Variants in TECTA observed in about 807,000 individuals in gnomAD.
TECTA encodes tectorin alpha, also known as alpha-tectorin.
Under a neutral mutation model 216.8 loss-of-function variants are expected in TECTA, and 128 were observed. The ratio of observed to expected loss-of-function variants is 0.59; its 90% CI spans 0.51 to 0.68. TECTA has a LOEUF of 0.68. Ranked by LOEUF, TECTA falls within the 30% of genes least tolerant of loss-of-function variation. TECTA has a pLI of 0.00. For synonymous variants in TECTA, 1,089 were observed against 1,117.1 expected (o/e 0.97, Z 0.50); for missense variants, 2,551 against 2,786.2 (o/e 0.92, Z 1.90).
At chr11:121,143,374 T>G (rs589790) in intron 11 of TECTA, among the ~76,000 whole-genome samples, 41,327 of 152,114 alleles carry the variant, frequency 0.27, 7,096 homozygotes, top group African/African-American at 0.48. Context: ...CCCTTTACTT[T>G]GAATTCCCTT....
chr11:121,189,862 G>T lies in TECTA; in HGVS notation c.6349G>T (p.Asp2117Tyr). 1 of 1,613,208 alleles carries T rather than the reference G, an allele frequency of 6.2e-7. No individual in the cohort carries two copies. Among genetic ancestry groups the T allele is most frequent in the South Asian group, 1.1e-5 (1 of 91,036 alleles). ...CSCVTGTLQE[D>Y]GKSCRASNSS... is the part of the protein sequence containing the mutation. ...CTGTGTAACAGGAACCCTGCAGGAG[G>T]ACGGCAAGAGCTGCAGAGGTAGACA... The change falls in exon 23 of 24, where the codon GAC becomes TAC. Residue 2117 changes from aspartate to tyrosine, a missense_variant. Coordinates refer to ENST00000392793, the MANE Select transcript of TECTA (RefSeq NM_005422.4).
At chr11:121,124,988 G>T (rs1020599100) in intron 7 of TECTA, among the ~76,000 whole-genome samples, 5 of 152,360 alleles carry the variant, frequency 3.3e-5, no homozygotes, top group African/African-American at 1.2e-4. Context: ...TTGAAGAAAA[G>T]ATATGAAGCT....
chr11:121,182,075 C>CA (rs1402622137), intron 20 of TECTA, among the ~76,000 whole-genome samples: 2 of 152,272 alleles, frequency 1.3e-5, no homozygotes, highest in East Asian at 3.9e-4. Flanking sequence ...TTGCTGGGGA[C>CA]AGGGATGCCA....
intron 7 of TECTA, among the ~76,000 whole-genome samples, chr11:121,119,012 C>A (rs651963): frequency 1.1e-5 from 1 of 87,604 alleles, no homozygotes; most frequent in Non-Finnish European, 3.1e-5. Flanking sequence ...CACACACACA[C>A]ACACACACAC....
At position 121,188,128 on chromosome 11, in the gene TECTA, T is replaced by C. The variant is rs114499093; in HGVS notation, c.6162+134T>C. On this transcript the variant is annotated intron_variant, in intron 21 of 23. Coordinates refer to ENST00000392793, the MANE Select transcript of TECTA (RefSeq NM_005422.4). The stretch of plus-strand genomic sequence containing the variant: ...GCTTGGGGTGGACAGTCATCTTTGA[T>C]GGGACAGTGAGAGAAAACGCAGGGA... The C allele has an allele frequency of 6.3e-4, 569 of 899,854 alleles. 3 individuals are homozygous for C. In the African/African-American group the frequency reaches 8.8e-3, roughly 14 times the overall value. 55.7% of individuals were successfully genotyped at this position (899,854 alleles called of 1,614,324 possible). A position where few individuals can be genotyped will look rare whatever the true frequency, so the allele number is the denominator to read the frequency against.
intron 7 of TECTA, among the ~76,000 whole-genome samples, chr11:121,124,188 C>T (rs142655434): frequency 8.5e-5 from 13 of 152,348 alleles, no homozygotes; most frequent in African/African-American, 3.1e-4. Context: ...AATGTAAGTT[C>T]CACGAGGCAG....
intron 2 of TECTA, among the ~76,000 whole-genome samples, chr11:121,103,985 G>T (rs1008570832): frequency 3.3e-5 from 5 of 152,084 alleles, no homozygotes; most frequent in African/African-American, 1.2e-4. Context: ...CATTCTCCCT[G>T]GCCATGGTTT....
chr11:121,116,292 C>T (rs1946500981), intron 6 of TECTA, among the ~76,000 whole-genome samples: 1 of 152,188 alleles, frequency 6.6e-6, no homozygotes, highest in Admixed American at 6.5e-5. Context: ...TACATTATCT[C>T]CCTCCCCTGT....
chr11:121,167,991 T>C, intron 18 of TECTA, 63 bp from the exon 19 acceptor site: 1 of 1,590,532 alleles, frequency 6.3e-7, no homozygotes, highest in Non-Finnish European at 8.6e-7. Context: ...GATATGGATT[T>C]GATATGCAAG....
chr11:121,130,066 C>G lies in TECTA; in HGVS notation c.2796C>G (p.Val932=). 6.2e-7 allele frequency: 1 copy of G among 1,614,136 alleles called. No homozygotes were observed. The highest frequency in any genetic ancestry group is 2.2e-5 in the East Asian group (1 of 44,884). ...TGGAGTGCCATGGGGTGGTGAACGTCACTGCCTATTACCGCACCTGCCTTT... is the reference window on the plus strand; with the variant it reads ...TGGAGTGCCATGGGGTGGTGAACGTGACTGCCTATTACCGCACCTGCCTTT... ...SFLECHGVVN[V]TAYYRTCLFR... is the part of the protein sequence containing the mutation. The change falls in exon 10 of 24, where the codon GTC becomes GTG. Residue 932 remains valine (V), a synonymous_variant. Transcript: ENST00000392793.
intron 3 of TECTA, among the ~76,000 whole-genome samples, chr11:121,108,265 G>A (rs955200148): frequency 2.0e-5 from 3 of 151,268 alleles, no homozygotes; most frequent in African/African-American, 4.9e-5. Context: ...GCACATACAC[G>A]CATGCCACCC....
At chr11:121,168,986 T>C (rs573829936) in intron 20 of TECTA, 61 bp downstream of exon 20, 3 of 1,612,338 alleles carry the variant, frequency 1.9e-6, no homozygotes, top group East Asian at 2.2e-5. Context: ...GTCCTCATCA[T>C]TTTTTAAGGA....
Position 121,153,052 on chromosome 11 carries a change from G to A in TECTA, c.4277G>A (p.Gly1426Asp). 1 of 1,614,078 alleles carries A rather than the reference G, an allele frequency of 6.2e-7. No individual in the cohort carries two copies. Among genetic ancestry groups the A allele is most frequent in the Non-Finnish European group, 8.5e-7 (1 of 1,180,004 alleles). Residue 1426 changes from glycine to aspartate, a missense_variant, in exon 13 of 24, where the codon GGC becomes GAC. Physicochemically the swap from Gly to Asp is moderately conservative, Grantham distance 94. Around this residue, in one of 3 missense-constraint regions of TECTA, gnomAD observed 2,375 missense variants for 2,563.9 expected, o/e 0.93. Transcript: ENST00000392793. ...AGCTGCATCCTGCCCCACAGCTGCG[G>A]CTGCTACTCCGATGGCAAATATTAC... is the stretch of plus-strand genomic sequence containing the variant. ...GKSCILPHSC[G>D]CYSDGKYYEP...
intron 20 of TECTA, among the ~76,000 whole-genome samples, chr11:121,176,814 A>G (rs1406529569): frequency 6.6e-6 from 1 of 152,080 alleles, no homozygotes; most frequent in Non-Finnish European, 1.5e-5. Context: ...AGGTACACCA[A>G]TCAGACATAG....
intron 1 of TECTA, 125 bp from the exon 2 acceptor site, chr11:121,102,540 G>A (rs1313419055): frequency 1.3e-6 from 1 of 769,940 alleles, no homozygotes; most frequent in African/African-American, 1.7e-5. Context: ...CACTGTTGAT[G>A]TTGTTATGTG....
At chr11:121,188,652 C>A (rs1591473892) in intron 21 of TECTA, among the ~76,000 whole-genome samples, 1 of 152,236 alleles carries the variant, frequency 6.6e-6, no homozygotes, top group East Asian at 1.9e-4. Context: ...GCACCAATAC[C>A]TGGCCCCTAG....
At chr11:121,130,747 T>C (rs887418054) in intron 10 of TECTA, among the ~76,000 whole-genome samples, 1 of 152,154 alleles carries the variant, frequency 6.6e-6, no homozygotes, top group Admixed American at 6.5e-5. Context: ...TAGAAAACTT[T>C]CTGGGAAGAC....
intron 16 of TECTA, 30 bp from the exon 17 acceptor site, chr11:121,165,243 G>A (rs1322772292): frequency 6.4e-7 from 1 of 1,564,196 alleles, no homozygotes; most frequent in Non-Finnish European, 8.7e-7. Flanking sequence ...AAATGAAGTT[G>A]TGCATGTTTC....
Position 121,137,553 on chromosome 11 carries a change from T to C in TECTA, c.3074T>C (p.Leu1025Pro), listed in dbSNP as rs1565526766. Residue 1025 changes from leucine to proline, a missense_variant, in exon 11 of 24, where the codon CTA (leucine) becomes CCA (proline). By Grantham distance (98) the Leu-to-Pro change is moderately conservative. Coordinates refer to ENST00000392793, the MANE Select transcript of TECTA (RefSeq NM_005422.4). The part of the protein sequence containing the change: ...EGCQCDEGYA[L>P]LGSQCVTRSE... Reference sequence around the variant, plus strand: ...TGTCAGTGTGATGAGGGCTATGCTCTACTGGGCAGCCAGTGTGTCACGCGG... The same window carrying C: ...TGTCAGTGTGATGAGGGCTATGCTCCACTGGGCAGCCAGTGTGTCACGCGG... 1 of 1,613,980 alleles carries C rather than the reference T, an allele frequency of 6.2e-7. No individual in the cohort carries two copies. The highest frequency in any genetic ancestry group is 1.7e-5 in the Admixed American group (1 of 59,994).
Sources: gnomAD v4.1 joint callset for allele counts (sites outside exome capture counted in the v4.1 genomes callset) on GRCh38, gnomAD v4.1.1 for gene constraint, gnomAD v4.1.1 regional missense constraint, MANE v1.5 for transcripts, NCBI Gene and HGNC (gene_info 2026-07-23, HGNC 2026-07-21) for gene names.